HTR2C: variants seen among roughly 807,000 people sequenced by gnomAD.
HTR2C encodes 5-hydroxytryptamine receptor 2C, also known as 5-hydroxytryptamine (serotonin) receptor 2C, G protein-coupled.
Under a neutral mutation model 21.0 loss-of-function variants are expected in HTR2C, and 5 were observed. The ratio of observed to expected loss-of-function variants is 0.24; its 90% CI spans 0.12 to 0.50. The LOEUF (loss-of-function observed/expected upper bound fraction) is 0.50. Among genes scored for constraint, HTR2C ranks in the 20% least tolerant of loss-of-function variants. The pLI, the probability that HTR2C is intolerant of heterozygous loss-of-function variation, is 0.98. For synonymous variants in HTR2C, 150 were observed against 145.3 expected (o/e 1.03, Z -0.23); for missense variants, 271 against 371.2 (o/e 0.73, Z 2.22).
At chrX:114,785,417 G>A (rs2070165250) in intron 4 of HTR2C, among the ~76,000 whole-genome samples, 1 of 111,778 alleles carries the variant, frequency 8.9e-6, no homozygotes, top group South Asian at 3.6e-4. Context: ...AGCGACTTAT[G>A]AAAAGAAAAA....
chrX:114,889,946 T>C (rs2071247007), intron 5 of HTR2C, among the ~76,000 whole-genome samples: 1 of 111,745 alleles, frequency 8.9e-6, no homozygotes, highest in African/African-American at 3.3e-5. Flanking sequence ...CCCATGTTGC[T>C]GCAAGTTTTG....
chrX:114,768,019 G>T (rs1265353939), intron 4 of HTR2C, among the ~76,000 whole-genome samples: 2 of 110,817 alleles, frequency 1.8e-5, no homozygotes, highest in South Asian at 3.7e-4. Context: ...AAAGGAAATT[G>T]CTCAATAGAA....
intron 2 of HTR2C, among the ~76,000 whole-genome samples, chrX:114,678,668 T>A (rs782640247): frequency 9.0e-6 from 1 of 111,520 alleles, no homozygotes; most frequent in Non-Finnish European, 1.9e-5. Context: ...AGATAATGAA[T>A]GTGAAAGTGC....
chrX:114,788,727 A>G, intron 4 of HTR2C, among the ~76,000 whole-genome samples: 1 of 111,415 alleles, frequency 9.0e-6, no homozygotes, highest in Middle Eastern at 4.6e-3. Flanking sequence ...GGCTCACTGC[A>G]GCCTCAATTT....
intron 4 of HTR2C, among the ~76,000 whole-genome samples, chrX:114,756,086 G>A (rs1446057830): frequency 1.0e-5 from 1 of 100,304 alleles, no homozygotes; most frequent in East Asian, 3.3e-4. Context: ...TCCAACCTGG[G>A]CAACAGAGCA....
At chrX:114,788,687 G>T (rs2070201967) in intron 4 of HTR2C, among the ~76,000 whole-genome samples, 1 of 111,596 alleles carries the variant, frequency 9.0e-6, no homozygotes, top group African/African-American at 3.3e-5. Flanking sequence ...TTGCTCTGTT[G>T]TCCAAGATGG....
chrX:114,608,022 A>C lies in HTR2C; in HGVS notation c.-146-5793A>C, dbSNP rs953996334. Among the ~76,000 whole-genome samples, 75 of 111,237 alleles carry C rather than the reference A, an allele frequency of 6.7e-4. 1 individual carries two copies. The highest frequency in any genetic ancestry group is 2.4e-3 in the African/African-American group (73 of 30,597). ...AAATCTAGCCTTTCATGAATCTTAC[A>C]TGTATAAAATGTTTACACTTTTATT... On this transcript the variant is annotated intron_variant, in intron 1 of 5. Coordinates refer to ENST00000276198, the MANE Select transcript of HTR2C (RefSeq NM_000868.4).
rs73638459 is a variant in HTR2C at position 114,698,480 on chromosome X, G to A, written c.-79-28378G>A. On this transcript the variant is annotated intron_variant, in intron 2 of 5. Transcript: ENST00000276198. ...CACAAACACACACACACACAAACAC[G>A]CACACACACAGAGAAATGTTTCACC... 4.1e-3 allele frequency among the ~76,000 whole-genome samples: 151 copies of A among 37,266 alleles called. 1 individual carries two copies. The highest frequency in any genetic ancestry group is 0.023 in the African/African-American group (142 of 6,044). The allele number at this position is 37,266 out of a possible 115,157, so 32.4% of individuals were successfully genotyped here. A position where few individuals can be genotyped will look rare whatever the true frequency, so the allele number is the denominator to read the frequency against.
intron 4 of HTR2C, among the ~76,000 whole-genome samples, chrX:114,761,090 A>T (rs1294855137): frequency 8.9e-6 from 1 of 111,760 alleles, no homozygotes; most frequent in African/African-American, 3.2e-5. Flanking sequence ...TACATAATGT[A>T]ATTACAGCCA....
intron 5 of HTR2C, among the ~76,000 whole-genome samples, chrX:114,890,358 T>C (rs1340016938): frequency 1.8e-5 from 2 of 111,996 alleles, no homozygotes; most frequent in African/African-American, 6.5e-5. Context: ...AATGTTGTAA[T>C]TTTTGCAGTA....
chrX:114,767,450 T>G (rs1237261675), intron 4 of HTR2C, among the ~76,000 whole-genome samples: 3 of 110,670 alleles, frequency 2.7e-5, no homozygotes, highest in Non-Finnish European at 5.7e-5. Context: ...TGATATTCAT[T>G]AAGCACTTAT....
intron 1 of HTR2C, among the ~76,000 whole-genome samples, chrX:114,604,034 G>A (rs1191710207): frequency 9.3e-6 from 1 of 107,320 alleles, no homozygotes; most frequent in Non-Finnish European, 1.9e-5. Context: ...GGCGTGCTGC[G>A]GGATGGGATA....
chrX:114,641,141 G>T (rs149407698), intron 2 of HTR2C, among the ~76,000 whole-genome samples: 262 of 105,433 alleles, frequency 2.5e-3, no homozygotes, highest in African/African-American at 8.6e-3. Context: ...TAGCACAATC[G>T]CAGCTCACTA....
At chrX:114,627,063 A>G (rs1197526333) in intron 2 of HTR2C, among the ~76,000 whole-genome samples, 1 of 111,812 alleles carries the variant, frequency 8.9e-6, no homozygotes, top group African/African-American at 3.2e-5. Context: ...TTGACTCTTC[A>G]TATTAATAGG....
intron 2 of HTR2C, among the ~76,000 whole-genome samples, chrX:114,682,181 T>G (rs1556413608): frequency 1.8e-5 from 2 of 111,267 alleles, no homozygotes; most frequent in African/African-American, 3.3e-5. Context: ...GGCTGACAAT[T>G]TTCTTTTTTA....
intron 4 of HTR2C, among the ~76,000 whole-genome samples, chrX:114,751,497 T>A (rs1042493583): frequency 1.4e-4 from 16 of 111,851 alleles, no homozygotes; most frequent in African/African-American, 4.2e-4. Context: ...ATGAGGGACA[T>A]GTAAACTTGA....
In HTR2C at chrX:114,726,934, A is replaced by G. The variant is rs200967450; in HGVS notation, c.-3A>G. The stretch of plus-strand genomic sequence containing the variant: ...ACTTTGGTTGCTTAAGACTGAAGCA[A>G]TCATGGTGAACCTGAGGAATGCGGT... On this transcript the variant is annotated 5_prime_UTR_variant, in exon 3 of 6. Coordinates refer to ENST00000276198, the MANE Select transcript of HTR2C (RefSeq NM_000868.4). 22 of 1,130,969 alleles carry G rather than the reference A, an allele frequency of 1.9e-5. No individual in the cohort carries two copies. The highest frequency in any genetic ancestry group is 2.6e-5 in the Non-Finnish European group (22 of 849,990). The allele number at this position is 1,130,969 out of a possible 1,213,427, so 93.2% of individuals were successfully genotyped here. A position where few individuals can be genotyped will look rare whatever the true frequency, so the allele number is the denominator to read the frequency against.
At chrX:114,797,755 G>T (rs903180322) in intron 4 of HTR2C, among the ~76,000 whole-genome samples, 2 of 111,970 alleles carry the variant, frequency 1.8e-5, no homozygotes, top group African/African-American at 6.5e-5. Flanking sequence ...AGTCAGACTG[G>T]AATGAAGTCT....
At chrX:114,733,081 G>T (rs2069551897) in intron 4 of HTR2C, among the ~76,000 whole-genome samples, 1 of 111,214 alleles carries the variant, frequency 9.0e-6, no homozygotes, top group African/African-American at 3.3e-5. Context: ...TAAACTAGAG[G>T]AAAGCTATTA....
Sources: allele counts gnomAD v4.1 joint callset (sites outside exome capture counted in the v4.1 genomes callset), GRCh38; gene constraint gnomAD v4.1.1; transcripts MANE v1.5; gene names NCBI Gene and HGNC (gene_info 2026-07-23, HGNC 2026-07-21).